The following GABRA3 variants were observed in gnomAD, a reference collection of about 807,000 sequenced individuals.
GABRA3 encodes gamma-aminobutyric acid receptor subunit alpha-3.
A neutral mutation model predicts 30.1 loss-of-function variants in GABRA3; 10 were observed. The observed-to-expected ratio is 0.33, with a 90% CI of 0.20 to 0.56. The LOEUF is 0.56. GABRA3 is among the 20% of genes least tolerant of loss of function. The probability of loss-of-function intolerance (pLI) is 0.89; values close to 1 mark genes in which losing one functional copy is unlikely to be tolerated. For missense variants in GABRA3, 233 were observed against 392.0 expected, an observed-to-expected ratio of 0.59 and a Z score of 3.42; for synonymous variants, 151 against 146.8, an observed-to-expected ratio of 1.03 and a Z score of -0.21.
intron 5 of GABRA3, among the ~76,000 whole-genome samples, chrX:152,226,440 C>T (rs1041589154): frequency 1.8e-5 from 2 of 111,478 alleles, no homozygotes; most frequent in African/African-American, 6.5e-5. Context: ...TAGAAGAAAA[C>T]CTAGGTATTA....
intron 4 of GABRA3, among the ~76,000 whole-genome samples, chrX:152,276,835 T>C (rs1054492318): frequency 2.7e-5 from 3 of 112,100 alleles, no homozygotes; most frequent in African/African-American, 9.7e-5. Context: ...TATGAATGTA[T>C]GTGATATACA....
intron 1 of GABRA3, among the ~76,000 whole-genome samples, chrX:152,411,633 T>C (rs748484238): frequency 2.6e-3 from 288 of 111,396 alleles, no homozygotes; most frequent in Non-Finnish European, 3.9e-3. Flanking sequence ...AGATGAAAAA[T>C]AGAGGTTGGT....
At chrX:152,409,639 A>G (rs990947336) in intron 1 of GABRA3, among the ~76,000 whole-genome samples, 2 of 111,638 alleles carry the variant, frequency 1.8e-5, no homozygotes, top group African/African-American at 6.5e-5. Flanking sequence ...AATAACCAGA[A>G]TATACAAGGA....
At chrX:152,308,467 G>A (rs764679339) in intron 3 of GABRA3, among the ~76,000 whole-genome samples, 4 of 112,133 alleles carry the variant, frequency 3.6e-5, no homozygotes, top group Non-Finnish European at 3.8e-5. Flanking sequence ...CTTGAGGGGC[G>A]AGACAACAAA....
intron 9 of GABRA3, among the ~76,000 whole-genome samples, 164 bp from the exon 10 acceptor site, chrX:152,168,727 A>T (rs1936967893): frequency 8.9e-6 from 1 of 112,479 alleles, no homozygotes; most frequent in South Asian, 3.7e-4. Context: ...TGTGTCAAGG[A>T]ATAACTGAAG....
intron 3 of GABRA3, among the ~76,000 whole-genome samples, chrX:152,326,287 A>G (rs1940056793): frequency 8.9e-6 from 1 of 112,071 alleles, no homozygotes. Context: ...TCTTCAGGAT[A>G]TTATCCAGGA....
intron 3 of GABRA3, among the ~76,000 whole-genome samples, chrX:152,337,702 C>T (rs1940254245): frequency 9.0e-6 from 1 of 110,921 alleles, no homozygotes. Context: ...GCCTGTAGTC[C>T]CAGCTATTCA....
At chrX:152,401,281 T>C (rs939694317) in intron 1 of GABRA3, among the ~76,000 whole-genome samples, 44 of 103,283 alleles carry the variant, frequency 4.3e-4, no homozygotes, top group Admixed American at 1.7e-3. Context: ...TATATATATA[T>C]ATATATACAC....
chrX:152,270,592 C>T (rs746109389), intron 4 of GABRA3, among the ~76,000 whole-genome samples: 13 of 111,375 alleles, frequency 1.2e-4, no homozygotes, highest in African/African-American at 4.2e-4. Context: ...CAGTGGCTCA[C>T]ACCTGTAATC....
chrX:152,219,761 A>G (rs1256853573), intron 6 of GABRA3, among the ~76,000 whole-genome samples: 7 of 111,397 alleles, frequency 6.3e-5, no homozygotes, highest in African/African-American at 2.0e-4. Context: ...GTCTATATGC[A>G]TAAGTATACT....
chrX:152,268,859 T>C (rs1938876289), intron 4 of GABRA3, among the ~76,000 whole-genome samples: 1 of 112,205 alleles, frequency 8.9e-6, no homozygotes, highest in Non-Finnish European at 1.9e-5. Context: ...CATGAGCCAC[T>C]GTGCCTGGTC....
chrX:152,416,560 G>A lies in GABRA3; in HGVS notation c.-27+34586C>T, dbSNP rs751814567. ...ATGGAACCAAAAAAGAGCCCGCATC[G>A]CCAAGTCAATCCTAAGCCAAAAGAA... On this transcript the variant is annotated intron_variant, in intron 1 of 9. Transcript: ENST00000370314. Among the ~76,000 whole-genome samples the A allele has an allele frequency of 6.4e-4, 70 of 110,049 alleles. No homozygotes were observed. The South Asian group carries it at 0.013, about 21-fold the overall frequency.
At chrX:152,359,740 T>C (rs1928427719) in intron 2 of GABRA3, among the ~76,000 whole-genome samples, 1 of 111,472 alleles carries the variant, frequency 9.0e-6, no homozygotes, top group Non-Finnish European at 1.9e-5. Context: ...CCAGAGATTC[T>C]GGTATTTGTA....
At chrX:152,233,121 CT>C (rs759718273) in intron 5 of GABRA3, among the ~76,000 whole-genome samples, 5 of 108,464 alleles carry the variant, frequency 4.6e-5, no homozygotes, top group Non-Finnish European at 9.5e-5. Context: ...TGTATGTCTT[CT>C]TTTGAAAAAT....
intron 1 of GABRA3, among the ~76,000 whole-genome samples, chrX:152,406,761 A>G (rs1929948768): frequency 9.0e-6 from 1 of 110,524 alleles, no homozygotes; most frequent in Non-Finnish European, 1.9e-5. Context: ...TGGACATAAT[A>G]GACATTTGCA....
chrX:152,303,021 A>G (rs1939658514), intron 3 of GABRA3, among the ~76,000 whole-genome samples: 1 of 112,016 alleles, frequency 8.9e-6, no homozygotes, highest in Non-Finnish European at 1.9e-5. Context: ...TCTATTGTGA[A>G]TAGTGCTGCA....
chrX:152,423,669 CAAT>C (rs1488269131), intron 1 of GABRA3, among the ~76,000 whole-genome samples: 2 of 111,092 alleles, frequency 1.8e-5, no homozygotes, highest in African/African-American at 6.5e-5. Flanking sequence ...ACAAAAAAAT[CAAT>C]AATGTTTGAG....
intron 5 of GABRA3, among the ~76,000 whole-genome samples, chrX:152,238,074 T>G (rs1206905075): frequency 9.3e-6 from 1 of 107,867 alleles, no homozygotes; most frequent in Non-Finnish European, 1.9e-5. Flanking sequence ...TTGTGCCAGT[T>G]TTCAAAGGGA....
chrX:152,223,788 G>T (rs1313735638), intron 6 of GABRA3, among the ~76,000 whole-genome samples: 1 of 110,254 alleles, frequency 9.1e-6, no homozygotes, highest in Non-Finnish European at 1.9e-5. Flanking sequence ...CCTAGGCATG[G>T]ATGATTCCCC....
Sources: gnomAD v4.1 joint callset for allele counts (sites outside exome capture counted in the v4.1 genomes callset) on GRCh38, gnomAD v4.1.1 for gene constraint, MANE v1.5 for transcripts, NCBI Gene and HGNC (gene_info 2026-07-23, HGNC 2026-07-21) for gene names.